NRXN1: variants seen among roughly 807,000 people sequenced by gnomAD.
The protein encoded by NRXN1 is neurexin-1.
Under a neutral mutation model 150.9 loss-of-function variants are expected in NRXN1, and 39 were observed. The ratio of observed to expected loss-of-function variants is 0.26; its 90% confidence interval spans 0.20 to 0.34. The LOEUF is 0.34. NRXN1 is among the 10% of genes least tolerant of loss of function. The probability of loss-of-function intolerance (pLI) is 1.00; values close to 1 mark genes in which losing one functional copy is unlikely to be tolerated. For missense variants in NRXN1, 1,815 were observed against 1,949.9 expected (o/e 0.93, Z 1.30); for synonymous variants, 924 against 757.0 (o/e 1.22, Z -3.62).
At chr2:50,473,485 G>A (rs1197622520) in intron 15 of NRXN1, among the ~76,000 whole-genome samples, 1 of 151,940 alleles carries the variant, frequency 6.6e-6, no homozygotes, top group Non-Finnish European at 1.5e-5. Flanking sequence ...AATCAATGTG[G>A]AACATAAGGA....
intron 18 of NRXN1, among the ~76,000 whole-genome samples, chr2:50,158,968 ACACGCAAGGTAACTGCTTTCCCCTAAGTT>A (rs2059199133): frequency 6.6e-6 from 1 of 152,098 alleles, no homozygotes; most frequent in African/African-American, 2.4e-5. Context: ...ACCATTCATC[ACACGCAAGGTAACTGCTTTCCCCTAAGTT>A]CACTCAAGCA....
At chr2:50,812,976 G>C (rs1026596903) in intron 5 of NRXN1, among the ~76,000 whole-genome samples, 1 of 151,938 alleles carries the variant, frequency 6.6e-6, no homozygotes, top group Admixed American at 6.6e-5. Context: ...AATTGCCTGC[G>C]CTCAGAAGCT....
chr2:50,246,942 A>G (rs1272659782), intron 17 of NRXN1, among the ~76,000 whole-genome samples: 1 of 152,110 alleles, frequency 6.6e-6, no homozygotes, highest in Non-Finnish European at 1.5e-5. Flanking sequence ...ATGTGCTTTT[A>G]TTCACTTACT....
At chr2:50,735,782 T>C (rs908369909) in intron 5 of NRXN1, among the ~76,000 whole-genome samples, 4 of 152,210 alleles carry the variant, frequency 2.6e-5, no homozygotes, top group Middle Eastern at 6.3e-3. Flanking sequence ...TTTTGTTATA[T>C]AACCTCAAGA....
chr2:50,067,757 C>A (rs1293742009), intron 19 of NRXN1, among the ~76,000 whole-genome samples: 3 of 152,172 alleles, frequency 2.0e-5, no homozygotes, highest in Non-Finnish European at 2.9e-5. Flanking sequence ...CCCCACATTA[C>A]CTTACAAATG....
At chr2:50,041,295 T>G (rs1558752339) in intron 21 of NRXN1, among the ~76,000 whole-genome samples, 1 of 152,180 alleles carries the variant, frequency 6.6e-6, no homozygotes, top group Non-Finnish European at 1.5e-5. Flanking sequence ...TTTATTTGCC[T>G]ATAAAAAAAT....
At chr2:50,716,789 T>C (rs1320013221) in intron 5 of NRXN1, among the ~76,000 whole-genome samples, 2 of 152,196 alleles carry the variant, frequency 1.3e-5, no homozygotes, top group Admixed American at 6.5e-5. Flanking sequence ...TTTTTAATCC[T>C]TTCAATAGTA....
chr2:50,695,870 C>T (rs1168502103), intron 5 of NRXN1, among the ~76,000 whole-genome samples: 1 of 124,926 alleles, frequency 8.0e-6, no homozygotes, highest in East Asian at 2.4e-4. Context: ...TGAGATGGAG[C>T]TTCGCTCTTT....
chr2:50,648,623 T>C (rs181277677), intron 5 of NRXN1, among the ~76,000 whole-genome samples: 4 of 152,096 alleles, frequency 2.6e-5, no homozygotes, highest in South Asian at 2.1e-4. Flanking sequence ...AATATGATGA[T>C]GTTTATGGTC....
intron 8 of NRXN1, among the ~76,000 whole-genome samples, chr2:50,595,799 T>G (rs1295346302): frequency 6.6e-6 from 1 of 152,206 alleles, no homozygotes. Context: ...CATTATTATC[T>G]ATGTTCCTTA....
intron 2 of NRXN1, among the ~76,000 whole-genome samples, chr2:51,022,754 G>T (rs1211230771): frequency 6.6e-6 from 1 of 152,238 alleles, no homozygotes; most frequent in Non-Finnish European, 1.5e-5. Context: ...ATCTTACAAA[G>T]ATTACAAGCA....
At chr2:50,344,237 A>C (rs917174871) in intron 17 of NRXN1, among the ~76,000 whole-genome samples, 3 of 152,138 alleles carry the variant, frequency 2.0e-5, no homozygotes, top group African/African-American at 7.2e-5. Context: ...CCACCCTGAG[A>C]GGCTTATTTT....
At chr2:50,210,248 A>G (rs190220893) in intron 18 of NRXN1, among the ~76,000 whole-genome samples, 50 of 152,084 alleles carry the variant, frequency 3.3e-4, no homozygotes, top group Admixed American at 2.4e-3. Context: ...AATTCATTAT[A>G]AAAATAACAA....
intron 19 of NRXN1, among the ~76,000 whole-genome samples, chr2:50,083,570 A>G (rs777421255): frequency 6.6e-6 from 1 of 152,158 alleles, no homozygotes; most frequent in African/African-American, 2.4e-5. Context: ...GCAAAAGAAC[A>G]AGGCTTCCAC....
chr2:50,937,622 T>C (rs1352402473), intron 2 of NRXN1, among the ~76,000 whole-genome samples: 1 of 152,088 alleles, frequency 6.6e-6, no homozygotes, highest in Non-Finnish European at 1.5e-5. Context: ...ACTTTCTCCA[T>C]CGATTGTTGT....
chr2:50,216,687 C>T (rs2063424274), intron 18 of NRXN1, among the ~76,000 whole-genome samples: 1 of 151,780 alleles, frequency 6.6e-6, no homozygotes, highest in East Asian at 1.9e-4. Flanking sequence ...AAGACACAGC[C>T]TTAGGGAACA....
At chr2:50,425,257 T>C (rs528983584) in intron 17 of NRXN1, among the ~76,000 whole-genome samples, 14 of 152,364 alleles carry the variant, frequency 9.2e-5, no homozygotes, top group African/African-American at 3.4e-4. Context: ...TAAGACTTTA[T>C]ACTGGAACAA....
intron 22 of NRXN1, among the ~76,000 whole-genome samples, chr2:49,941,523 G>A (rs1279006709): frequency 6.6e-6 from 1 of 151,842 alleles, no homozygotes; most frequent in Non-Finnish European, 1.5e-5. Flanking sequence ...ATTCAGCTGA[G>A]CTCACGAAGA....
chr2:50,874,513 A>G (rs1347674217), intron 5 of NRXN1, among the ~76,000 whole-genome samples: 1 of 151,800 alleles, frequency 6.6e-6, no homozygotes, highest in Non-Finnish European at 1.5e-5. Context: ...AAATCGTTTT[A>G]CTGTTAGCAT....
Sources: gnomAD v4.1 joint callset for allele counts (sites outside exome capture counted in the v4.1 genomes callset) on GRCh38, gnomAD v4.1.1 for gene constraint, MANE v1.5 for transcripts, NCBI Gene and HGNC (gene_info 2026-07-23, HGNC 2026-07-21) for gene names.